SUN1: variants seen among roughly 807,000 people sequenced by gnomAD.
SUN1 encodes the protein Sad1 and UNC84 domain containing 1.
Under a neutral mutation model 103.2 loss-of-function variants are expected in SUN1, and 61 were observed. The ratio of observed to expected loss-of-function variants is 0.59; its 90% CI spans 0.48 to 0.73. SUN1 has a LOEUF of 0.73. Among genes scored for constraint, SUN1 ranks in the 30% least tolerant of loss-of-function variants. The pLI is 0.00. For synonymous variants in SUN1, 490 were observed against 425.7 expected (o/e 1.15, Z -1.86); for missense variants, 1,052 against 1,034.6 (o/e 1.02, Z -0.23).
At chr7:851,325 T>C in intron 5 of SUN1, 59 bp from the exon 6 acceptor site, 1 of 1,466,126 alleles carries the variant, frequency 6.8e-7, no homozygotes, top group South Asian at 1.2e-5. Flanking sequence ...CACCGTGCTG[T>C]CACTGCAGAG....
At chr7:869,030 G>T (rs1020341271) in intron 16 of SUN1, 1 of 372,844 alleles carries the variant, frequency 2.7e-6, no homozygotes, top group Non-Finnish European at 5.1e-6. Context: ...CCTTCTTGCT[G>T]TGCAGGGTGG....
In SUN1 at chr7:845,520, AC is replaced by A. The variant is rs1313484452; in HGVS notation, c.658+2002del. Among the ~76,000 whole-genome samples the A allele has an allele frequency of 2.6e-5, 4 of 151,714 alleles. No homozygotes were observed. In the East Asian group the frequency reaches 7.8e-4, roughly 29 times the overall value. On this transcript the variant is annotated intron_variant, in intron 5 of 18. Coordinates refer to ENST00000401592, the MANE Select transcript of SUN1 (RefSeq NM_001130965.3). ...AGACACAAAGAAGAAAATAAAAATCACCTACAAGCTGCCACACCAGAAAAAA... is the reference window on the plus strand; with the variant it reads ...AGACACAAAGAAGAAAATAAAAATCACTACAAGCTGCCACACCAGAAAAAA...
upstream of SUN1, among the ~76,000 whole-genome samples, chr7:830,749 C>T (rs1483426002): frequency 6.6e-6 from 1 of 152,174 alleles, no homozygotes; most frequent in Admixed American, 6.5e-5. Context: ...CTGAGTTAGC[C>T]CAGTGTCCCC....
chr7:837,745 C>G (rs983726251), intron 1 of SUN1, among the ~76,000 whole-genome samples: 1 of 152,230 alleles, frequency 6.6e-6, no homozygotes, highest in African/African-American at 2.4e-5. Flanking sequence ...CATCCGTGTC[C>G]TCCTGTCTCC....
At chr7:838,697 A>C in intron 1 of SUN1, 101 bp from the exon 2 acceptor site, 1 of 1,244,172 alleles carries the variant, frequency 8.0e-7, no homozygotes, top group Non-Finnish European at 1.1e-6. Context: ...TTGCTCTTGA[A>C]AATCCACAGT....
intron 2 of SUN1, among the ~76,000 whole-genome samples, chr7:841,222 C>T (rs1282902249): frequency 4.0e-5 from 6 of 149,374 alleles, no homozygotes; most frequent in Non-Finnish European, 7.4e-5. Context: ...TGTGAGCCGC[C>T]GTACCTGGCC....
intron 15 of SUN1, 25 bp downstream of exon 15, chr7:861,489 C>T: frequency 6.2e-7 from 1 of 1,612,392 alleles, no homozygotes; most frequent in Non-Finnish European, 8.5e-7. Context: ...GTTCTGATTA[C>T]TAAGTTAGAT....
At chr7:821,412 C>T (rs1278223264) in intron 1 of SUN1, among the ~76,000 whole-genome samples, 2 of 152,124 alleles carry the variant, frequency 1.3e-5, no homozygotes, top group African/African-American at 2.4e-5. Context: ...TCGTGATCCG[C>T]CCACCTCAGC....
chr7:844,252 C>T, intron 5 of SUN1, among the ~76,000 whole-genome samples: 1 of 152,234 alleles, frequency 6.6e-6, no homozygotes, highest in Non-Finnish European at 1.5e-5. Flanking sequence ...ATCTCTCTCA[C>T]CTGCAGCAGG....
At chr7:832,911 G>A (rs553440615) in intron 1 of SUN1, 15 of 292,532 alleles carry the variant, frequency 5.1e-5, no homozygotes, top group African/African-American at 1.7e-4. Flanking sequence ...TTGTGAGAAC[G>A]TATCAGTGGC....
At chr7:859,152 CAAA>C (rs140482514) in intron 13 of SUN1, among the ~76,000 whole-genome samples, 4 of 88,680 alleles carry the variant, frequency 4.5e-5, no homozygotes, top group Admixed American at 1.3e-4. Context: ...GACTCCGTCT[CAAA>C]AAAAAAAAAA....
chr7:857,230 T>A (rs1356441587), intron 12 of SUN1, among the ~76,000 whole-genome samples: 1 of 152,200 alleles, frequency 6.6e-6, no homozygotes, highest in Non-Finnish European at 1.5e-5. Flanking sequence ...GGAGGGTCCA[T>A]CCTCTCCTGT....
At chr7:865,433 T>A (rs914332437) in intron 15 of SUN1, among the ~76,000 whole-genome samples, 2 of 152,196 alleles carry the variant, frequency 1.3e-5, no homozygotes, top group Non-Finnish European at 2.9e-5. Flanking sequence ...TTTTTATGGC[T>A]GAATAGTACT....
At chr7:817,327 G>C (rs1781648358) in intron 1 of SUN1, 2 of 1,203,568 alleles carry the variant, frequency 1.7e-6, no homozygotes, top group Non-Finnish European at 2.4e-6. Context: ...AGGCTCAAGC[G>C]ATCCCCTCGC....
At chr7:855,122 T>C (rs1435994801) in intron 11 of SUN1, 116 bp downstream of exon 11, 3 of 799,106 alleles carry the variant, frequency 3.8e-6, no homozygotes, top group Non-Finnish European at 5.9e-6. Context: ...GCTGTTTGTT[T>C]TGTGTAAAAT....
upstream of SUN1, chr7:830,892 A>G: frequency 1.0e-6 from 1 of 958,674 alleles, no homozygotes; most frequent in Non-Finnish European, 1.2e-6. Flanking sequence ...CCATTGTTGC[A>G]TTGCTGCTGG....
intron 5 of SUN1, 123 bp from the exon 6 acceptor site, chr7:851,261 A>G: frequency 1.4e-6 from 1 of 691,884 alleles, no homozygotes; most frequent in Non-Finnish European, 2.4e-6. Flanking sequence ...TTTTTTGAGG[A>G]GACTCTTGAC....
chr7:873,281 G>C lies in SUN1; in HGVS notation c.2308G>C (p.Glu770Gln), dbSNP rs1352647281. 1.2e-6 allele frequency: 2 copies of C among 1,614,120 alleles called. No homozygotes were observed. The highest frequency in any genetic ancestry group is 2.7e-5 in the African/African-American group (2 of 74,938). Residue 770 changes from glutamate to glutamine, a missense_variant, in exon 19 of 19, where the codon GAG becomes CAG. Physicochemically the swap from Glu to Gln is conservative, Grantham distance 29. Around this residue, in one of 2 missense-constraint regions of SUN1, gnomAD observed 206 missense variants for 260.1 expected, o/e 0.79. Transcript: ENST00000401592. The stretch of plus-strand genomic sequence containing the variant: ...GATTTTTTCTAACTGGGGCCATCCT[G>C]AGTATACCTGTCTGTATCGGTTCAG... ...LRIFSNWGHPEYTCLYRFRVH... is the reference protein window; with the variant it reads ...LRIFSNWGHPQYTCLYRFRVH...
rs567056385 is a variant in SUN1, at chr7:874,916, C to T, written c.*1585C>T. 2.0e-5 allele frequency: 3 copies of T among 152,110 alleles called. No individual in the cohort carries two copies. The highest frequency in any genetic ancestry group is 4.8e-5 in the African/African-American group (2 of 41,476). The allele number at this position is 152,110 out of a possible 1,614,324, so 9.4% of individuals were successfully genotyped here. The stretch of plus-strand genomic sequence containing the variant: ...TTTTTAAAAGGGCATGGGATATAAA[C>T]AGTCTATTTCTTTTCTCAGTTTGTC... On this transcript the variant is annotated 3_prime_UTR_variant, in exon 19 of 19. Coordinates refer to ENST00000401592, the MANE Select transcript of SUN1 (RefSeq NM_001130965.3).
Sources: gnomAD v4.1 joint callset for allele counts (sites outside exome capture counted in the v4.1 genomes callset) on GRCh38, gnomAD v4.1.1 for gene constraint, gnomAD v4.1.1 regional missense constraint, MANE v1.5 for transcripts, NCBI Gene and HGNC (gene_info 2026-07-23, HGNC 2026-07-21) for gene names.